BLTP3B: variants seen among roughly 807,000 people sequenced by gnomAD.
The protein encoded by BLTP3B is UHRF1 (ICBP90) binding protein 1-like.
the BLTP3B span, chr12:100,084,511 G>C: frequency 6.2e-7 from 1 of 1,613,750 alleles, no homozygotes; most frequent in Non-Finnish European, 8.5e-7. Context: ...ATGTGTTGGG[G>C]ATTTAGGAGG....
the BLTP3B span, chr12:100,108,628 C>A: frequency 8.2e-7 from 1 of 1,223,228 alleles, no homozygotes; most frequent in Non-Finnish European, 1.1e-6. Context: ...ATACAGAGAA[C>A]TAAAAATATA....
the BLTP3B span, among the ~76,000 whole-genome samples, chr12:100,098,849 C>T: frequency 1.3e-5 from 2 of 151,874 alleles, no homozygotes; most frequent in Non-Finnish European, 2.9e-5. Context: ...GTGGAGGTTG[C>T]GGTTAGCTCA....
chr12:100,053,056 ATGCTGGGAT>A, the BLTP3B span, among the ~76,000 whole-genome samples: 2 of 151,510 alleles, frequency 1.3e-5, no homozygotes, highest in African/African-American at 4.8e-5. Context: ...GCCTCCCAAA[ATGCTGGGAT>A]TACAGGTGTA....
At chr12:100,133,699 T>C in the BLTP3B span, among the ~76,000 whole-genome samples, 1 of 152,200 alleles carries the variant, frequency 6.6e-6, no homozygotes, top group African/African-American at 2.4e-5. Context: ...AGGATTCTAG[T>C]ATGCTAATAT....
chr12:100,123,578 C>T, the BLTP3B span, among the ~76,000 whole-genome samples: 2 of 152,150 alleles, frequency 1.3e-5, no homozygotes, highest in African/African-American at 2.4e-5. Flanking sequence ...CCCAAGACTG[C>T]CCTCCGTCAC....
the BLTP3B span, among the ~76,000 whole-genome samples, chr12:100,066,913 C>T: frequency 2.6e-5 from 4 of 152,028 alleles, no homozygotes; most frequent in African/African-American, 9.7e-5. Context: ...ATGGAACTTT[C>T]TCCAAGAGAC....
At chr12:100,098,633 G>A in the BLTP3B span, 3 of 1,350,928 alleles carry the variant, frequency 2.2e-6, no homozygotes, top group Non-Finnish European at 3.0e-6. Context: ...TGGGGATGGT[G>A]GCTCATACCT....
chr12:100,069,974 T>C, the BLTP3B span: 1 of 1,205,354 alleles, frequency 8.3e-7, no homozygotes, highest in Non-Finnish European at 1.0e-6. Flanking sequence ...AATACTATGA[T>C]TATGCAATAA....
At chr12:100,140,518 C>T in the BLTP3B span, among the ~76,000 whole-genome samples, 2 of 151,110 alleles carry the variant, frequency 1.3e-5, no homozygotes, top group African/African-American at 2.4e-5. Context: ...CCAGCCTAAC[C>T]ACCATGGAAA....
At chr12:100,074,345 TC>T in the BLTP3B span, among the ~76,000 whole-genome samples, 1 of 152,138 alleles carries the variant, frequency 6.6e-6, no homozygotes, top group Non-Finnish European at 1.5e-5. Context: ...ACACCTGTAA[TC>T]CCAGCACGGT....
chr12:100,116,121 G>A, the BLTP3B span, among the ~76,000 whole-genome samples: 10,196 of 150,388 alleles, frequency 0.068, 386 homozygotes, highest in South Asian at 0.088. Flanking sequence ...GCAGTGAGCC[G>A]AGATGGTGCC....
At chr12:100,110,238 T>C in the BLTP3B span, among the ~76,000 whole-genome samples, 1 of 152,198 alleles carries the variant, frequency 6.6e-6, no homozygotes, top group African/African-American at 2.4e-5. Context: ...AACTCATGTT[T>C]CTCCACTGAC....
chr12:100,125,858 C>T, the BLTP3B span, among the ~76,000 whole-genome samples: 1 of 152,110 alleles, frequency 6.6e-6, no homozygotes, highest in African/African-American at 2.4e-5. Context: ...TAAATCATTG[C>T]AATATGTTAT....
chr12:100,084,422 A>AGAGAG, the BLTP3B span: 1 of 1,375,342 alleles, frequency 7.3e-7, no homozygotes, highest in Non-Finnish European at 1.0e-6. Context: ...ACACACACAC[A>AGAGAG]CACAGAGTGC....
chr12:100,070,704 T>C, the BLTP3B span, among the ~76,000 whole-genome samples: 2 of 152,084 alleles, frequency 1.3e-5, no homozygotes, highest in South Asian at 2.1e-4. Context: ...TAAAAACATA[T>C]ATTAATAGGG....
the BLTP3B span, chr12:100,098,236 A>G: frequency 2.6e-6 from 3 of 1,162,032 alleles, no homozygotes; most frequent in East Asian, 5.1e-5. Flanking sequence ...CTCCCCAAAA[A>G]AAGTAATACA....
chr12:100,142,313 C>CGCCGGGAGCGATCCCA, the BLTP3B span, among the ~76,000 whole-genome samples: 2 of 152,218 alleles, frequency 1.3e-5, no homozygotes, highest in Non-Finnish European at 2.9e-5. Flanking sequence ...CCAGACGCCG[C>CGCCGGGAGCGATCCCA]GCCGGGAGCG....
chr12:100,059,215 A>C, the BLTP3B span: 9 of 1,614,064 alleles, frequency 5.6e-6, no homozygotes, highest in South Asian at 3.3e-5. Context: ...GTGGCAGCAG[A>C]AGTTTTAAGA....
chr12:100,078,166 T>C, the BLTP3B span, among the ~76,000 whole-genome samples: 1 of 152,068 alleles, frequency 6.6e-6, no homozygotes, highest in African/African-American at 2.4e-5. Flanking sequence ...AGATACCTCA[T>C]GGCTTGGTGA....
Sources: allele counts gnomAD v4.1 joint callset (sites outside exome capture counted in the v4.1 genomes callset), GRCh38; gene constraint gnomAD v4.1.1; transcripts MANE v1.5; gene names NCBI Gene and HGNC (gene_info 2026-07-23, HGNC 2026-07-21).